Variants in RNF17 observed in about 807,000 individuals in gnomAD.
The protein encoded by RNF17 is spermatogenesis associated 23.
RNF17 carries 31 observed loss-of-function variants against 200.5 expected under a neutral mutation model. That is an observed-to-expected ratio of 0.15 (90% CI 0.12 to 0.21). RNF17 has a LOEUF of 0.21. Ranked by LOEUF, RNF17 falls within the 10% of genes least tolerant of loss-of-function variation. RNF17 has a pLI of 1.00. For missense variants in RNF17, 1,628 were observed against 1,905.1 expected, an observed-to-expected ratio of 0.85 and a Z score of 2.71; for synonymous variants, 606 against 637.8, an observed-to-expected ratio of 0.95 and a Z score of 0.75.
At chr13:24,829,968 A>G (rs1889206387) in intron 16 of RNF17, among the ~76,000 whole-genome samples, 1 of 152,218 alleles carries the variant, frequency 6.6e-6, no homozygotes, top group African/African-American at 2.4e-5. Flanking sequence ...GTAAACATGT[A>G]TTAAGTGCTT....
intron 15 of RNF17, among the ~76,000 whole-genome samples, chr13:24,823,607 C>G (rs1486737928): frequency 1.3e-5 from 2 of 152,144 alleles, no homozygotes; most frequent in African/African-American, 4.8e-5. Context: ...GTGGGCACTT[C>G]TTCACCATTT....
In RNF17 at chr13:24,868,595, T is replaced by C. The variant is rs1893930276; in HGVS notation, c.4162-5T>C. ...TGAAATTTGAATTTTTCTGTGGTGT[T>C]TTAGGAATTGCTTTCGGCTGAAACA... On this transcript the variant is annotated splice_polypyrimidine_tract_variant and splice_region_variant and intron_variant, in intron 30 of 35. Transcript: ENST00000255324. 1.3e-6 allele frequency: 2 copies of C among 1,502,752 alleles called. No homozygotes were observed. The highest frequency in any genetic ancestry group is 1.7e-5 in the Admixed American group (1 of 59,796). The allele number at this position is 1,502,752 out of a possible 1,614,324, so 93.1% of individuals were successfully genotyped here.
intron 30 of RNF17, among the ~76,000 whole-genome samples, chr13:24,867,653 C>T (rs1323051034): frequency 6.6e-6 from 1 of 152,002 alleles, no homozygotes; most frequent in Admixed American, 6.5e-5. Flanking sequence ...AGATAATTAC[C>T]ATATTCTTGA....
intron 2 of RNF17, among the ~76,000 whole-genome samples, chr13:24,768,579 T>C (rs1433329265): frequency 1.3e-5 from 2 of 152,094 alleles, no homozygotes; most frequent in Non-Finnish European, 2.9e-5. Flanking sequence ...CCACCGCGCC[T>C]GGCCAAGCTG....
At chr13:24,878,332 G>A (rs1023445972) in intron 34 of RNF17, among the ~76,000 whole-genome samples, 5 of 152,260 alleles carry the variant, frequency 3.3e-5, no homozygotes, top group Admixed American at 6.5e-5. Context: ...ATTTCTTATA[G>A]ATAGGTATTT....
intron 25 of RNF17, among the ~76,000 whole-genome samples, chr13:24,858,596 T>TATATATATATATATATATATATATA (rs1555287540): frequency 1.3e-5 from 1 of 79,278 alleles, no homozygotes; most frequent in Non-Finnish European, 3.2e-5. Context: ...ATATATATGT[T>TATATATATATATATATATATATATA]TACTGTGGAA....
chr13:24,863,626 C>T (rs891401504), intron 28 of RNF17, among the ~76,000 whole-genome samples: 1 of 152,184 alleles, frequency 6.6e-6, no homozygotes, highest in African/African-American at 2.4e-5. Context: ...AAAGGAGGCA[C>T]ACACTCACTT....
chr13:24,840,182 C>T (rs1308051387), intron 18 of RNF17, among the ~76,000 whole-genome samples: 1 of 152,152 alleles, frequency 6.6e-6, no homozygotes, highest in African/African-American at 2.4e-5. Flanking sequence ...GCGATGCCAC[C>T]TCCTCACTCC....
the RNF17 span, chr13:24,885,569 A>C: frequency 6.9e-7 from 1 of 1,443,124 alleles, no homozygotes; most frequent in East Asian, 2.3e-5. Context: ...AGCCTAAGTA[A>C]TGTATGTTTG....
At chr13:24,883,285 G>A, downstream of RNF17, 1 of 1,613,672 alleles carries the variant, frequency 6.2e-7, no homozygotes, top group Non-Finnish European at 8.5e-7. Context: ...TTTTAACAGT[G>A]CCATCTGGGT....
chr13:24,818,965 T>C (rs2137902493), intron 15 of RNF17, among the ~76,000 whole-genome samples: 1 of 152,288 alleles, frequency 6.6e-6, no homozygotes, highest in African/African-American at 2.4e-5. Context: ...CTTTCCTCCA[T>C]TAGAGCCCTC....
chr13:24,832,856 G>A (rs2138040434), intron 18 of RNF17, among the ~76,000 whole-genome samples: 1 of 152,246 alleles, frequency 6.6e-6, no homozygotes, highest in African/African-American at 2.4e-5. Context: ...TGATCTTCCT[G>A]CCTTAGCCTA....
At chr13:24,882,042 C>A (rs1449715823), downstream of RNF17, among the ~76,000 whole-genome samples, 1 of 44,956 alleles carries the variant, frequency 2.2e-5, no homozygotes, top group African/African-American at 8.7e-5. Flanking sequence ...ATAGATACAT[C>A]TATATAGATA....
rs1228466095 is a variant in RNF17 at position 24,799,518 on chromosome 13, A to G, written c.1523A>G (p.His508Arg). The change falls in exon 12 of 36, where the codon CAT becomes CGT. Residue 508 changes from histidine (H) to arginine (R), a missense_variant. By Grantham distance (29) the His-to-Arg change is conservative (BLOSUM62 0). Transcript: ENST00000255324. ...KPCSPTRLFVHEVALIQIFMV... is the reference protein window; with the variant it reads ...KPCSPTRLFVREVALIQIFMV... ...TGTAGTCCAACCAGATTATTTGTCCATGAAGTTGCACTAATACAAATATTC... is the reference window on the plus strand; with the variant it reads ...TGTAGTCCAACCAGATTATTTGTCCGTGAAGTTGCACTAATACAAATATTC... 17 of 1,611,918 alleles carry G rather than the reference A, an allele frequency of 1.1e-5. No homozygotes were observed. Among genetic ancestry groups the G allele is most frequent in the African/African-American group, 4.0e-5 (3 of 74,892 alleles).
chr13:24,810,961 ATATTGGCCCCCACT>A (rs1886529583), intron 15 of RNF17, among the ~76,000 whole-genome samples: 1 of 151,600 alleles, frequency 6.6e-6, no homozygotes, highest in African/African-American at 2.4e-5. Flanking sequence ...AGAATGTTGA[ATATTGGCCCCCACT>A]CTCTTCTGGC....
chr13:24,748,692 C>G, the RNF17 span, among the ~76,000 whole-genome samples: 3 of 151,868 alleles, frequency 2.0e-5, no homozygotes, highest in South Asian at 4.2e-4. Flanking sequence ...GGGTTTATTC[C>G]TCATAAGTGT....
chr13:24,885,799 A>G, the RNF17 span: 5 of 713,886 alleles, frequency 7.0e-6, no homozygotes, highest in Non-Finnish European at 1.2e-5. Flanking sequence ...GGATGTCTTA[A>G]TATTTTTCTT....
intron 7 of RNF17, among the ~76,000 whole-genome samples, chr13:24,789,124 T>A (rs1198852436): frequency 6.6e-6 from 1 of 152,200 alleles, no homozygotes; most frequent in Non-Finnish European, 1.5e-5. Flanking sequence ...GAGTTTTCTC[T>A]GATCATGTAG....
At chr13:24,768,812 G>C (rs1024244077) in intron 2 of RNF17, among the ~76,000 whole-genome samples, 1 of 151,750 alleles carries the variant, frequency 6.6e-6, no homozygotes, top group African/African-American at 2.4e-5. Context: ...ACAGTTCTCC[G>C]TAAGCTTCCA....
Sources: allele counts gnomAD v4.1 joint callset (sites outside exome capture counted in the v4.1 genomes callset), GRCh38; gene constraint gnomAD v4.1.1; transcripts MANE v1.5; gene names NCBI Gene and HGNC (gene_info 2026-07-23, HGNC 2026-07-21).